The following GRM8 variants were observed in gnomAD, a reference collection of about 807,000 sequenced individuals.
The protein encoded by GRM8 is glutamate metabotropic receptor 8.
GRM8 carries 47 observed loss-of-function variants against 87.2 expected under a neutral mutation model. The observed-to-expected ratio is 0.54, with a 90% CI of 0.43 to 0.69. The LOEUF (loss-of-function observed/expected upper bound fraction) is 0.69. GRM8 is among the 30% of genes least tolerant of loss of function. The pLI is 0.00. For missense variants in GRM8, 1,019 were observed against 1,139.2 expected, an observed-to-expected ratio of 0.89 and a Z score of 1.52; for synonymous variants, 396 against 404.5, an observed-to-expected ratio of 0.98 and a Z score of 0.25.
At chr7:127,160,682 G>A (rs1217997797) in intron 2 of GRM8, among the ~76,000 whole-genome samples, 1 of 151,996 alleles carries the variant, frequency 6.6e-6, no homozygotes, top group Non-Finnish European at 1.5e-5. Context: ...GGGATGCTAG[G>A]GAGAAAAAAG....
chr7:126,558,054 A>G (rs2150950301), intron 8 of GRM8, among the ~76,000 whole-genome samples: 1 of 152,338 alleles, frequency 6.6e-6, no homozygotes, highest in African/African-American at 2.4e-5. Context: ...GATCACATTT[A>G]TAAGGTACAT....
chr7:126,892,139 T>C (rs1012199457), intron 6 of GRM8, among the ~76,000 whole-genome samples: 1 of 151,858 alleles, frequency 6.6e-6, no homozygotes, highest in African/African-American at 2.4e-5. Context: ...TATTTTTACT[T>C]TTTAAATTTT....
chr7:126,496,513 T>A (rs1808762684), intron 9 of GRM8, among the ~76,000 whole-genome samples: 1 of 152,044 alleles, frequency 6.6e-6, no homozygotes. Context: ...GTTCCACTAC[T>A]GTGAAACCAA....
At chr7:127,078,652 T>C (rs967469687) in intron 3 of GRM8, among the ~76,000 whole-genome samples, 61 of 152,356 alleles carry the variant, frequency 4.0e-4, no homozygotes, top group African/African-American at 1.4e-3. Flanking sequence ...ACAGAGGATA[T>C]CAACCTGAGA....
chr7:126,459,957 C>T (rs1353494899), intron 9 of GRM8, among the ~76,000 whole-genome samples: 1 of 151,504 alleles, frequency 6.6e-6, no homozygotes, highest in South Asian at 2.1e-4. Flanking sequence ...AATATTTTTA[C>T]CTGCTCTTTT....
chr7:126,782,106 CAT>C (rs1243517130), intron 6 of GRM8, among the ~76,000 whole-genome samples: 1 of 152,106 alleles, frequency 6.6e-6, no homozygotes, highest in Non-Finnish European at 1.5e-5. Flanking sequence ...ATAAAGAAAA[CAT>C]GTAGAAATCA....
chr7:127,070,671 G>A (rs1821584881), intron 3 of GRM8, among the ~76,000 whole-genome samples: 3 of 152,110 alleles, frequency 2.0e-5, no homozygotes, highest in Admixed American at 2.0e-4. Flanking sequence ...CTATCACCAT[G>A]TGTATTCTCA....
chr7:127,138,972 C>A (rs1183117801), intron 2 of GRM8, among the ~76,000 whole-genome samples: 1 of 152,160 alleles, frequency 6.6e-6, no homozygotes, highest in Admixed American at 6.5e-5. Context: ...ATCCTCACAA[C>A]AATATTCCTC....
intron 7 of GRM8, among the ~76,000 whole-genome samples, chr7:126,663,016 G>A (rs1255366780): frequency 2.0e-5 from 3 of 152,178 alleles, no homozygotes; most frequent in African/African-American, 4.8e-5. Context: ...ACTTATGGGC[G>A]ACCACATGTC....
intron 8 of GRM8, among the ~76,000 whole-genome samples, chr7:126,558,274 A>C (rs1793356255): frequency 6.6e-6 from 1 of 152,152 alleles, no homozygotes; most frequent in South Asian, 2.1e-4. Flanking sequence ...CTTTTTATGT[A>C]TTTCTTTATT....
intron 3 of GRM8, chr7:127,058,113 T>G (rs918095196): frequency 3.9e-6 from 2 of 515,558 alleles, no homozygotes; most frequent in Non-Finnish European, 7.9e-6. Flanking sequence ...GTCATGATGT[T>G]GCGTCACCAC....
chr7:126,823,542 T>C (rs1794495026), intron 6 of GRM8, among the ~76,000 whole-genome samples: 1 of 152,248 alleles, frequency 6.6e-6, no homozygotes, highest in African/African-American at 2.4e-5. Flanking sequence ...GGGCCACATA[T>C]GTAATTTTAA....
At chr7:126,631,938 A>T (rs1373984595) in intron 7 of GRM8, among the ~76,000 whole-genome samples, 1 of 152,216 alleles carries the variant, frequency 6.6e-6, no homozygotes, top group African/African-American at 2.4e-5. Flanking sequence ...CTAGAAGAAA[A>T]TCTAGGCAAT....
At chr7:126,911,797 C>G (rs1268396092) in intron 3 of GRM8, among the ~76,000 whole-genome samples, 1 of 152,138 alleles carries the variant, frequency 6.6e-6, no homozygotes, top group Non-Finnish European at 1.5e-5. Context: ...AAAGGCCAGG[C>G]CATTATACCT....
chr7:126,842,101 T>A (rs146214006), intron 6 of GRM8, among the ~76,000 whole-genome samples: 66 of 152,174 alleles, frequency 4.3e-4, no homozygotes, highest in African/African-American at 1.5e-3. Flanking sequence ...GAAGAAAAAA[T>A]TTAAATATGG....
chr7:127,142,656 T>C (rs1673919515), intron 2 of GRM8, among the ~76,000 whole-genome samples: 1 of 152,108 alleles, frequency 6.6e-6, no homozygotes, highest in African/African-American at 2.4e-5. Flanking sequence ...ATATGATAGA[T>C]GATTAATAGG....
chr7:126,953,566 C>A (rs1370601577), intron 3 of GRM8, among the ~76,000 whole-genome samples: 1 of 152,072 alleles, frequency 6.6e-6, no homozygotes, highest in Non-Finnish European at 1.5e-5. Context: ...TTTGCTTTCA[C>A]TTATCAAGAA....
At chr7:126,499,695 C>G (rs1809345571) in intron 9 of GRM8, among the ~76,000 whole-genome samples, 1 of 151,852 alleles carries the variant, frequency 6.6e-6, no homozygotes, top group African/African-American at 2.4e-5. Flanking sequence ...AGAAAAATAT[C>G]ATCTGATCTC....
At chr7:126,836,777 T>C (rs1314103711) in intron 6 of GRM8, among the ~76,000 whole-genome samples, 1 of 152,220 alleles carries the variant, frequency 6.6e-6, no homozygotes, top group Non-Finnish European at 1.5e-5. Flanking sequence ...CAGATGATTA[T>C]ACATTTGTGT....
Sources: allele counts gnomAD v4.1 joint callset (sites outside exome capture counted in the v4.1 genomes callset), GRCh38; gene constraint gnomAD v4.1.1; transcripts MANE v1.5; gene names NCBI Gene and HGNC (gene_info 2026-07-23, HGNC 2026-07-21).